The following PCDHA7 variants were observed in gnomAD, a reference collection of about 807,000 sequenced individuals.
PCDHA7 encodes the protein protocadherin alpha 7, also known as protocadherin alpha-7.
Under a neutral mutation model 57.2 loss-of-function variants are expected in PCDHA7, and 37 were observed. The ratio of observed to expected loss-of-function variants is 0.65; its 90% CI spans 0.50 to 0.85. The LOEUF is 0.85. Among genes scored for constraint, PCDHA7 ranks in the 40% least tolerant of loss-of-function variants. The pLI, the probability that PCDHA7 is intolerant of heterozygous loss-of-function variation, is 0.00. For missense variants in PCDHA7, 1,188 were observed against 1,241.8 expected (o/e 0.96, Z 0.65); for synonymous variants, 553 against 558.8 (o/e 0.99, Z 0.15).
chr5:140,899,056 G>C (rs1370417194), intron 1 of PCDHA7, among the ~76,000 whole-genome samples: 14 of 152,060 alleles, frequency 9.2e-5, no homozygotes, highest in Non-Finnish European at 2.9e-5. Flanking sequence ...CTGAGACTTT[G>C]CTGAAGTTGC....
chr5:140,852,115 C>A, intron 1 of PCDHA7: 1 of 906,762 alleles, frequency 1.1e-6, no homozygotes, highest in Non-Finnish European at 1.3e-6. Context: ...CAAGGTATGA[C>A]CTAATTAAAA....
intron 1 of PCDHA7, among the ~76,000 whole-genome samples, chr5:140,901,565 G>A (rs1554189898): frequency 6.6e-6 from 1 of 152,062 alleles, no homozygotes; most frequent in African/African-American, 2.4e-5. Context: ...CTATGTGTCT[G>A]TTTTTATGCC....
chr5:140,843,352 A>G (rs2150358043), intron 1 of PCDHA7: 1 of 1,596,016 alleles, frequency 6.3e-7, no homozygotes. Flanking sequence ...AGGCTCCAAA[A>G]GCGTCATCGA....
chr5:140,865,798 C>T (rs1467476362), intron 1 of PCDHA7: 1 of 152,146 alleles, frequency 6.6e-6, no homozygotes, highest in East Asian at 1.9e-4. Context: ...AGGCTTCAGA[C>T]TCATTCTTTT....
chr5:140,870,347 AGAACGTGTGGGCCTAT>A (rs782552389), intron 1 of PCDHA7: 3 of 1,614,176 alleles, frequency 1.9e-6, no homozygotes, highest in Non-Finnish European at 2.5e-6. Flanking sequence ...CTGGACCGCG[AGAACGTGTGGGCCTAT>A]GAACTGGTGG....
rs2150260164 is a variant in PCDHA7, at chr5:140,836,415, G to T, written c.2032G>T (p.Ala678Ser). 3.1e-6 allele frequency: 5 copies of T among 1,613,812 alleles called. No homozygotes were observed. Among genetic ancestry groups the T allele is most frequent in the Admixed American group, 1.7e-5 (1 of 60,020 alleles). ...SLVESGQAPK[A>S]SSRASLGIAG... Reference sequence around the variant, plus strand: ...GGTGGAAAGCGGCCAGGCACCAAAGGCGTCGTCGCGGGCATCGTTGGGCAT... The same window carrying T: ...GGTGGAAAGCGGCCAGGCACCAAAGTCGTCGTCGCGGGCATCGTTGGGCAT... Residue 678 changes from alanine (A) to serine (S), a missense_variant, in exon 1 of 4, where the codon GCG becomes TCG. By Grantham distance (99) the Ala-to-Ser change is moderately conservative. Coordinates refer to ENST00000525929, the MANE Select transcript of PCDHA7 (RefSeq NM_018910.3).
chr5:140,953,456 C>T (rs1159331179), intron 1 of PCDHA7, among the ~76,000 whole-genome samples: 1 of 152,110 alleles, frequency 6.6e-6, no homozygotes, highest in Admixed American at 6.5e-5. Context: ...GATTATCTGT[C>T]AGAGTTTTAA....
Position 140,849,788 on chromosome 5 carries a change from C to T in PCDHA7, c.2355+13050C>T, listed in dbSNP as rs2150450289. The T allele has an allele frequency of 2.5e-6, 4 of 1,598,468 alleles. No homozygotes were observed. The South Asian group carries it at 4.4e-5, about 18-fold the overall frequency. ...TGGTGGTTACCGCGCGGGACGGGGGCTCGCCTTCACTGTGGGCCACGGCCA... is the reference window on the plus strand; with the variant it reads ...TGGTGGTTACCGCGCGGGACGGGGGTTCGCCTTCACTGTGGGCCACGGCCA... On this transcript the variant is annotated intron_variant, in intron 1 of 3. Coordinates refer to ENST00000525929, the MANE Select transcript of PCDHA7 (RefSeq NM_018910.3).
intron 3 of PCDHA7, among the ~76,000 whole-genome samples, chr5:140,982,798 T>C (rs1310396823): frequency 2.0e-5 from 3 of 151,768 alleles, no homozygotes; most frequent in African/African-American, 7.3e-5. Flanking sequence ...TGTGTGCATG[T>C]GTGTGTGTGT....
chr5:140,909,684 GT>G (rs2074636344), intron 1 of PCDHA7, among the ~76,000 whole-genome samples: 1 of 152,220 alleles, frequency 6.6e-6, no homozygotes, highest in Non-Finnish European at 1.5e-5. Context: ...GGGAGCCAAT[GT>G]GGGGGTTCTG....
chr5:140,989,528 G>A (rs1451731382), intron 3 of PCDHA7, among the ~76,000 whole-genome samples: 2 of 152,178 alleles, frequency 1.3e-5, no homozygotes, highest in African/African-American at 4.8e-5. Context: ...GGCAGAGGAG[G>A]AAGATAGTTT....
chr5:140,842,964 A>G, intron 1 of PCDHA7: 1 of 1,594,990 alleles, frequency 6.3e-7, no homozygotes, highest in East Asian at 2.2e-5. Flanking sequence ...CTGGGCAGCA[A>G]CGTGACGCTG....
intron 1 of PCDHA7, among the ~76,000 whole-genome samples, chr5:140,911,931 T>C (rs1057514341): frequency 1.8e-4 from 28 of 152,134 alleles, no homozygotes; most frequent in African/African-American, 6.8e-4. Context: ...ACTAATAGGA[T>C]AGATGTATAT....
chr5:140,963,301 A>T (rs2095755158), intron 1 of PCDHA7, among the ~76,000 whole-genome samples: 1 of 152,238 alleles, frequency 6.6e-6, no homozygotes, highest in Non-Finnish European at 1.5e-5. Flanking sequence ...GAGAGAAAAT[A>T]AGAAGCTGTT....
chr5:140,862,554 A>G, intron 1 of PCDHA7: 3 of 464,416 alleles, frequency 6.5e-6, no homozygotes, highest in Non-Finnish European at 1.3e-5. Context: ...GTGGCCGAAC[A>G]GTGAACCACA....
chr5:140,869,828 T>G, intron 1 of PCDHA7: 2 of 1,611,962 alleles, frequency 1.2e-6, no homozygotes, highest in South Asian at 2.2e-5. Context: ...GATCCAGAGT[T>G]TGATAAATCA....
At chr5:140,955,590 C>CTT (rs1554221986) in intron 1 of PCDHA7, among the ~76,000 whole-genome samples, 2 of 152,132 alleles carry the variant, frequency 1.3e-5, no homozygotes, top group East Asian at 3.9e-4. Context: ...AAACCTCTTT[C>CTT]TTTTATAAAT....
intron 1 of PCDHA7, among the ~76,000 whole-genome samples, chr5:140,909,546 A>T (rs1322878685): frequency 6.6e-6 from 1 of 152,180 alleles, no homozygotes; most frequent in African/African-American, 2.4e-5. Flanking sequence ...TGATGGTGGC[A>T]CTAATCTCTG....
chr5:140,875,918 A>T, intron 1 of PCDHA7: 1 of 1,613,782 alleles, frequency 6.2e-7, no homozygotes, highest in Non-Finnish European at 8.5e-7. Flanking sequence ...GCGCCTCTGG[A>T]CTCTCATTTT....
Sources: gnomAD v4.1 joint callset for allele counts (sites outside exome capture counted in the v4.1 genomes callset) on GRCh38, gnomAD v4.1.1 for gene constraint, MANE v1.5 for transcripts, NCBI Gene and HGNC (gene_info 2026-07-23, HGNC 2026-07-21) for gene names.